The following CLSTN2 variants were observed in gnomAD, a reference collection of about 807,000 sequenced individuals.
CLSTN2 encodes the protein calsyntenin-2.
In CLSTN2, 48 loss-of-function variants were observed where a neutral mutation model predicts 101.2. That is an observed-to-expected ratio of 0.47 (90% CI 0.38 to 0.60). The LOEUF is 0.60. Ranked by LOEUF, CLSTN2 falls within the 20% of genes least tolerant of loss-of-function variation. The pLI is 0.00. For synonymous variants in CLSTN2, 481 were observed against 463.6 expected (o/e 1.04, Z -0.48); for missense variants, 1,160 against 1,238.2 (o/e 0.94, Z 0.95).
intron 5 of CLSTN2, among the ~76,000 whole-genome samples, chr3:140,437,914 G>A (rs868277775): frequency 2.6e-5 from 4 of 152,026 alleles, no homozygotes; most frequent in African/African-American, 9.7e-5. Context: ...ACATTATGTT[G>A]TTTTTCCACT....
intron 1 of CLSTN2, among the ~76,000 whole-genome samples, chr3:139,994,075 C>T (rs1197683297): frequency 6.6e-6 from 1 of 152,152 alleles, no homozygotes; most frequent in Non-Finnish European, 1.5e-5. Flanking sequence ...TAACCTCTCT[C>T]TCTCCCCAGG....
At chr3:140,518,297 C>A (rs775007813) in intron 8 of CLSTN2, among the ~76,000 whole-genome samples, 10 of 152,220 alleles carry the variant, frequency 6.6e-5, no homozygotes, top group Non-Finnish European at 8.8e-5. Flanking sequence ...GGTGTGTCTG[C>A]ACTCCTGATT....
At chr3:140,052,539 G>C (rs1440691722) in intron 1 of CLSTN2, among the ~76,000 whole-genome samples, 6 of 152,294 alleles carry the variant, frequency 3.9e-5, no homozygotes, top group Admixed American at 2.6e-4. Context: ...CCTCTGTTTA[G>C]CAGCCTTGCT....
intron 1 of CLSTN2, among the ~76,000 whole-genome samples, chr3:140,125,152 G>A (rs1366894415): frequency 1.3e-5 from 2 of 152,112 alleles, no homozygotes; most frequent in Admixed American, 6.5e-5. Context: ...GAGGATAGGG[G>A]GAGAGGAAGT....
intron 6 of CLSTN2, among the ~76,000 whole-genome samples, chr3:140,451,447 G>A (rs1933249132): frequency 6.6e-6 from 1 of 152,068 alleles, no homozygotes; most frequent in Non-Finnish European, 1.5e-5. Flanking sequence ...GCCCTTTGAA[G>A]GAGAGAAGCC....
intron 2 of CLSTN2, among the ~76,000 whole-genome samples, chr3:140,374,341 C>G (rs1445745570): frequency 6.6e-6 from 1 of 152,096 alleles, no homozygotes; most frequent in African/African-American, 2.4e-5. Flanking sequence ...TCTTTTCCTC[C>G]TCCTCTCAGT....
At chr3:140,162,299 C>T (rs1423243937) in intron 1 of CLSTN2, among the ~76,000 whole-genome samples, 2 of 152,178 alleles carry the variant, frequency 1.3e-5, no homozygotes, top group Non-Finnish European at 2.9e-5. Context: ...AAACACACAG[C>T]ATCTTTCTCC....
At chr3:140,440,587 A>C (rs561865780) in intron 5 of CLSTN2, among the ~76,000 whole-genome samples, 1 of 152,248 alleles carries the variant, frequency 6.6e-6, no homozygotes, top group Non-Finnish European at 1.5e-5. Context: ...TCTCACAGAA[A>C]CCCTATAAAC....
chr3:140,063,253 A>T (rs948120342), intron 1 of CLSTN2, among the ~76,000 whole-genome samples: 1 of 151,262 alleles, frequency 6.6e-6, no homozygotes, highest in Non-Finnish European at 1.5e-5. Flanking sequence ...AGTGTTTCCC[A>T]CCTAAATTTT....
chr3:140,517,904 G>T (rs1463927534), intron 8 of CLSTN2, among the ~76,000 whole-genome samples: 1 of 152,120 alleles, frequency 6.6e-6, no homozygotes, highest in Non-Finnish European at 1.5e-5. Context: ...TATTTCCTTT[G>T]TCTTTGGCTA....
At chr3:140,455,443 T>C (rs1427779) in intron 6 of CLSTN2, among the ~76,000 whole-genome samples, 133,894 of 152,248 alleles carry the variant, frequency 0.88, 59,216 homozygotes, top group African/African-American at 0.96. Flanking sequence ...GGCTTTTGTA[T>C]CACAGTGTGC....
chr3:140,294,876 T>C (rs1037672656), intron 2 of CLSTN2, among the ~76,000 whole-genome samples: 3 of 152,154 alleles, frequency 2.0e-5, no homozygotes, highest in African/African-American at 7.2e-5. Flanking sequence ...TGACTGCTTG[T>C]ATTCTTTCAT....
intron 2 of CLSTN2, among the ~76,000 whole-genome samples, chr3:140,275,819 G>C (rs926432803): frequency 3.3e-5 from 5 of 152,164 alleles, no homozygotes; most frequent in Non-Finnish European, 5.9e-5. Context: ...GTACAAAAGG[G>C]TACAGACAAT....
At chr3:139,959,976 C>A (rs915524791) in intron 1 of CLSTN2, among the ~76,000 whole-genome samples, 1 of 152,164 alleles carries the variant, frequency 6.6e-6, no homozygotes, top group Admixed American at 6.5e-5. Context: ...GAATTGTATC[C>A]ATTCTAAAAT....
intron 2 of CLSTN2, among the ~76,000 whole-genome samples, chr3:140,392,471 G>C (rs1240564173): frequency 6.6e-6 from 1 of 151,930 alleles, no homozygotes; most frequent in Admixed American, 6.6e-5. Flanking sequence ...TTGAAAAATT[G>C]ATTCACATAA....
At chr3:140,378,256 A>G (rs2087941619) in intron 2 of CLSTN2, among the ~76,000 whole-genome samples, 1 of 152,244 alleles carries the variant, frequency 6.6e-6, no homozygotes. Flanking sequence ...CAATGTATAT[A>G]AATGACCGGA....
chr3:140,197,650 T>C (rs967563964), intron 2 of CLSTN2, among the ~76,000 whole-genome samples: 34 of 152,164 alleles, frequency 2.2e-4, no homozygotes, highest in Non-Finnish European at 3.8e-4. Flanking sequence ...GAGACATTTT[T>C]TGGTTGTCTT....
intron 1 of CLSTN2, among the ~76,000 whole-genome samples, chr3:140,051,064 G>A (rs550008682): frequency 2.0e-4 from 30 of 152,302 alleles, no homozygotes; most frequent in African/African-American, 5.8e-4. Flanking sequence ...GGCTGGGCCC[G>A]GGGGCTGGCC....
intron 1 of CLSTN2, among the ~76,000 whole-genome samples, chr3:140,083,126 G>A (rs2008626104): frequency 6.6e-6 from 1 of 152,150 alleles, no homozygotes; most frequent in Non-Finnish European, 1.5e-5. Flanking sequence ...AGAACTCATG[G>A]CTTCTTGTAT....
Sources: gnomAD v4.1 joint callset for allele counts (sites outside exome capture counted in the v4.1 genomes callset) on GRCh38, gnomAD v4.1.1 for gene constraint, MANE v1.5 for transcripts, NCBI Gene and HGNC (gene_info 2026-07-23, HGNC 2026-07-21) for gene names.